Variants in FARP2 observed in about 807,000 individuals in gnomAD.
FARP2 encodes FERM, ARH/RhoGEF and pleckstrin domain protein 2.
In FARP2, 111 loss-of-function variants were observed where a neutral mutation model predicts 130.5. The observed-to-expected ratio is 0.85, with a 90% CI of 0.73 to 1.00. The LOEUF (loss-of-function observed/expected upper bound fraction) is 1.00. FARP2 is among the 50% of genes least tolerant of loss of function. The probability of loss-of-function intolerance (pLI) is 0.00; values close to 1 mark genes in which losing one functional copy is unlikely to be tolerated. For missense variants in FARP2, 1,385 were observed against 1,346.3 expected, an observed-to-expected ratio of 1.03 and a Z score of -0.45; for synonymous variants, 504 against 516.9, an observed-to-expected ratio of 0.98 and a Z score of 0.34.
intron 2 of FARP2, among the ~76,000 whole-genome samples, chr2:241,397,621 A>G (rs540108046): frequency 2.0e-4 from 31 of 152,116 alleles, no homozygotes; most frequent in African/African-American, 6.3e-4. Context: ...TTAGGGAGGT[A>G]GAGGTTGGAG....
chr2:241,387,389 A>G (rs776577001), intron 2 of FARP2: 7 of 152,250 alleles, frequency 4.6e-5, no homozygotes, highest in Non-Finnish European at 1.0e-4. Context: ...AAAAAAAGCT[A>G]TTAGAACTAA....
intron 2 of FARP2, among the ~76,000 whole-genome samples, chr2:241,397,413 A>G (rs1221299219): frequency 6.6e-6 from 1 of 152,232 alleles, no homozygotes; most frequent in Non-Finnish European, 1.5e-5. Flanking sequence ...CTCATGAAGT[A>G]TAAAGTTTTG....
intron 1 of FARP2, among the ~76,000 whole-genome samples, chr2:241,365,069 T>C (rs775563215): frequency 1.2e-4 from 18 of 152,338 alleles, no homozygotes; most frequent in Admixed American, 4.6e-4. Flanking sequence ...TTTCATAAAG[T>C]AGGAGCTTCT....
chr2:241,456,040 T>C (rs1401103221), intron 13 of FARP2, among the ~76,000 whole-genome samples: 1 of 151,692 alleles, frequency 6.6e-6, no homozygotes, highest in East Asian at 1.9e-4. Context: ...TTTTTTTAAA[T>C]AGAAAAGGAT....
chr2:241,393,928 T>G (rs2150332667), intron 2 of FARP2, among the ~76,000 whole-genome samples: 1 of 152,366 alleles, frequency 6.6e-6, no homozygotes, highest in South Asian at 2.1e-4. Flanking sequence ...TACTATGTTC[T>G]TAATACTGTT....
chr2:241,466,735 G>GGTGTAAAAGCTCTGGA, intron 17 of FARP2: 1 of 380,182 alleles, frequency 2.6e-6, no homozygotes, highest in Non-Finnish European at 3.5e-6. Context: ...GGGGCTTCCA[G>GGTGTAAAAGCTCTGGA]AGCTTTTACA....
intron 12 of FARP2, among the ~76,000 whole-genome samples, chr2:241,440,851 C>T (rs1001754100): frequency 4.6e-5 from 7 of 151,966 alleles, no homozygotes; most frequent in African/African-American, 1.7e-4. Flanking sequence ...TTAGGTTCTG[C>T]AAGATGGAGG....
intron 12 of FARP2, among the ~76,000 whole-genome samples, chr2:241,437,425 T>A (rs2150407834): frequency 6.6e-6 from 1 of 152,304 alleles, no homozygotes; most frequent in South Asian, 2.1e-4. Context: ...GCTGGCATGT[T>A]AACTTCCATA....
At chr2:241,458,078 G>A (rs1475723052) in intron 14 of FARP2, among the ~76,000 whole-genome samples, 2 of 152,182 alleles carry the variant, frequency 1.3e-5, no homozygotes, top group African/African-American at 4.8e-5. Context: ...GGCAACCAGG[G>A]GCAGGGATGC....
chr2:241,476,214 TAAA>T (rs57746386), intron 19 of FARP2, among the ~76,000 whole-genome samples: 27 of 108,164 alleles, frequency 2.5e-4, no homozygotes, highest in Admixed American at 7.6e-4. Flanking sequence ...TTCTATGAAT[TAAA>T]AAAAAAAAAA....
In FARP2 at chr2:241,406,643, G is replaced by A. The variant is rs926269199; in HGVS notation, c.332-894G>A. Among the ~76,000 whole-genome samples, 16 of 151,696 alleles carry A rather than the reference G, an allele frequency of 1.1e-4. No homozygotes were observed. The South Asian group carries it at 2.3e-3, about 22-fold the overall frequency. ...GGGTTTTTTTGGGGGGGAGAGGGGC[G>A]GGTAGAGATGGGATTTCACCATGTT... On this transcript the variant is annotated intron_variant, in intron 4 of 26. Coordinates refer to ENST00000264042, the MANE Select transcript of FARP2 (RefSeq NM_014808.4).
intron 2 of FARP2, among the ~76,000 whole-genome samples, chr2:241,384,063 GTGTCAGAGATAT>G (rs2061727736): frequency 6.7e-6 from 1 of 150,078 alleles, no homozygotes. Flanking sequence ...TGAATGCCAA[GTGTCAGAGATAT>G]TCTGACACTT....
chr2:241,432,846 C>T (rs2063126602), intron 9 of FARP2, among the ~76,000 whole-genome samples: 1 of 152,162 alleles, frequency 6.6e-6, no homozygotes, highest in Non-Finnish European at 1.5e-5. Flanking sequence ...TAAGAGATGG[C>T]CATGCCTGTG....
chr2:241,372,883 T>C (rs2061454278), intron 1 of FARP2: 1 of 321,820 alleles, frequency 3.1e-6, no homozygotes, highest in Non-Finnish European at 5.6e-6. Flanking sequence ...GGGTGGTGCT[T>C]GTTATTTTAT....
At chr2:241,490,782 AG>A (rs1380712956) in intron 22 of FARP2, among the ~76,000 whole-genome samples, 2 of 152,334 alleles carry the variant, frequency 1.3e-5, no homozygotes, top group South Asian at 4.1e-4. Flanking sequence ...ACATCATTTC[AG>A]GAACAAATAC....
intron 4 of FARP2, 41 bp downstream of exon 4, chr2:241,404,882 G>T: frequency 6.8e-7 from 1 of 1,470,100 alleles, no homozygotes; most frequent in South Asian, 1.1e-5. Context: ...GTTTGTTTAA[G>T]ATGTGTTGTC....
rs1013014990 is a variant in FARP2, at chr2:241,459,011, C to T, written c.1587+2089C>T. Reference sequence around the variant, plus strand: ...AGCCCCTGCGTGTGGGCACCCTCAGCCCTGACGTGGTGTCTCCTGTTGCCT... The same window carrying T: ...AGCCCCTGCGTGTGGGCACCCTCAGTCCTGACGTGGTGTCTCCTGTTGCCT... On this transcript the variant is annotated intron_variant, in intron 14 of 26. Coordinates refer to ENST00000264042, the MANE Select transcript of FARP2 (RefSeq NM_014808.4). This position sits in a 1 kb window ranked among gnomAD's most constrained non-coding sequence, Gnocchi z 5.3. Among the ~76,000 whole-genome samples the T allele has an allele frequency of 6.6e-5, 10 of 152,242 alleles. No individual in the cohort carries two copies. The highest frequency in any genetic ancestry group is 3.3e-4 in the Admixed American group (5 of 15,290).
intron 17 of FARP2, chr2:241,465,737 G>C (rs546565777): frequency 6.4e-7 from 1 of 1,550,692 alleles, no homozygotes; most frequent in Admixed American, 2.0e-5. Context: ...CCATGAAGCT[G>C]AGCCACAGTG....
chr2:241,415,947 C>T (rs929109739), intron 7 of FARP2, among the ~76,000 whole-genome samples: 1 of 150,908 alleles, frequency 6.6e-6, no homozygotes, highest in Non-Finnish European at 1.5e-5. Flanking sequence ...TGTCGAGAAG[C>T]CTGCCTGTGG....
Sources: allele counts gnomAD v4.1 joint callset (sites outside exome capture counted in the v4.1 genomes callset), GRCh38; gene constraint gnomAD v4.1.1; non-coding constraint Gnocchi (gnomAD v3.1); transcripts MANE v1.5; gene names NCBI Gene and HGNC (gene_info 2026-07-23, HGNC 2026-07-21).